The following CADPS2 variants were observed in gnomAD, a reference collection of about 807,000 sequenced individuals.
CADPS2 encodes the protein calcium dependent secretion activator 2, also known as calcium-dependent secretion activator 2.
In CADPS2, 93 loss-of-function variants were observed where a neutral mutation model predicts 172.5. That is an observed-to-expected ratio of 0.54 (90% CI 0.46 to 0.64). The LOEUF (loss-of-function observed/expected upper bound fraction) is 0.64. Ranked by LOEUF, CADPS2 falls within the 30% of genes least tolerant of loss-of-function variation. The probability of loss-of-function intolerance (pLI) is 0.00; values close to 1 mark genes in which losing one functional copy is unlikely to be tolerated. For synonymous variants in CADPS2, 546 were observed against 555.2 expected, an observed-to-expected ratio of 0.98 and a Z score of 0.23; for missense variants, 1,420 against 1,565.9, an observed-to-expected ratio of 0.91 and a Z score of 1.57.
At chr7:122,813,631 T>G (rs933356651) in intron 1 of CADPS2, among the ~76,000 whole-genome samples, 8 of 152,102 alleles carry the variant, frequency 5.3e-5, no homozygotes, top group African/African-American at 1.9e-4. Flanking sequence ...CGCCTGGAAA[T>G]GCATGGAGGC....
intron 8 of CADPS2, among the ~76,000 whole-genome samples, chr7:122,518,282 T>A (rs1292932889): frequency 6.6e-6 from 1 of 152,032 alleles, no homozygotes; most frequent in African/African-American, 2.4e-5. Context: ...TCCCATAGCA[T>A]CTGAGAGTCA....
intron 2 of CADPS2, chr7:122,681,195 G>A: frequency 1.6e-6 from 1 of 623,558 alleles, no homozygotes; most frequent in Non-Finnish European, 2.9e-6. Flanking sequence ...AAGTTAGTGG[G>A]TGCAGTGCAC....
At chr7:122,451,611 T>C in intron 14 of CADPS2, 136 bp from the exon 15 acceptor site, 1 of 470,974 alleles carries the variant, frequency 2.1e-6, no homozygotes, top group South Asian at 4.9e-5. Flanking sequence ...GGAAATTTAC[T>C]GGAAATATTT....
intron 6 of CADPS2, among the ~76,000 whole-genome samples, chr7:122,583,820 CAT>C (rs2069217022): frequency 3.3e-5 from 5 of 150,544 alleles, no homozygotes; most frequent in Admixed American, 3.3e-4. Flanking sequence ...TATACATATG[CAT>C]ATGTATATTC....
At chr7:122,364,629 A>G (rs1213576376) in intron 25 of CADPS2, among the ~76,000 whole-genome samples, 1 of 151,420 alleles carries the variant, frequency 6.6e-6, no homozygotes, top group African/African-American at 2.4e-5. Flanking sequence ...CAGGAGACTG[A>G]GGCAGGAGAA....
At chr7:122,441,378 G>T in intron 16 of CADPS2, 134 bp downstream of exon 16, 1 of 513,634 alleles carries the variant, frequency 1.9e-6, no homozygotes, top group Non-Finnish European at 3.4e-6. Flanking sequence ...AGTAAGAAAA[G>T]GTGAGAAACT....
chr7:122,392,723 G>C (rs956097757), intron 22 of CADPS2, among the ~76,000 whole-genome samples: 28 of 152,140 alleles, frequency 1.8e-4, no homozygotes, highest in African/African-American at 6.3e-4. Context: ...CAATGATGCA[G>C]TACTGTTTTT....
chr7:122,884,429 C>T (rs1222111750), intron 1 of CADPS2, among the ~76,000 whole-genome samples: 1 of 152,076 alleles, frequency 6.6e-6, no homozygotes, highest in Non-Finnish European at 1.5e-5. Context: ...TCAAAACTTA[C>T]CTGAGTAATG....
At position 122,481,856 on chromosome 7, in the gene CADPS2, C is replaced by G. The variant is rs552321989; in HGVS notation, c.1853-996G>C. Among the ~76,000 whole-genome samples the G allele has an allele frequency of 3.7e-3, 561 of 152,070 alleles. 2 individuals are homozygous for G. The highest frequency in any genetic ancestry group is 5.8e-3 in the Non-Finnish European group (397 of 67,990). ...AGAAACTCTGTCTCTACTAAAAATA[C>G]AAAAATTAGGTGGGTGTGGTGGCAC... On this transcript the variant is annotated intron_variant, in intron 11 of 29. Transcript: ENST00000449022.
chr7:122,695,496 T>A (rs2084955062), intron 2 of CADPS2, among the ~76,000 whole-genome samples: 1 of 152,220 alleles, frequency 6.6e-6, no homozygotes, highest in Admixed American at 6.5e-5. Flanking sequence ...AGGGGTTTAT[T>A]GATCTGTTTA....
At chr7:122,844,088 G>A (rs1413450141) in intron 1 of CADPS2, among the ~76,000 whole-genome samples, 4 of 152,216 alleles carry the variant, frequency 2.6e-5, no homozygotes. Flanking sequence ...CAGCCACAGT[G>A]AGTCTGTAGC....
intron 3 of CADPS2, among the ~76,000 whole-genome samples, chr7:122,653,852 T>C (rs559253906): frequency 1.2e-4 from 18 of 152,172 alleles, no homozygotes; most frequent in African/African-American, 3.4e-4. Flanking sequence ...ATAAATGTTA[T>C]GTGTGTTCTG....
At chr7:122,803,989 A>AC (rs1471851309) in intron 1 of CADPS2, among the ~76,000 whole-genome samples, 37 of 149,562 alleles carry the variant, frequency 2.5e-4, no homozygotes, top group Admixed American at 1.4e-3. Context: ...AAAAAAAAAA[A>AC]AAAAAAAAAC....
chr7:122,468,137 C>G (rs2055407379), intron 14 of CADPS2, among the ~76,000 whole-genome samples: 1 of 152,178 alleles, frequency 6.6e-6, no homozygotes, highest in Non-Finnish European at 1.5e-5. Context: ...CAAATCCAGA[C>G]AGCACTGTTG....
chr7:122,770,961 A>G (rs1023956639), intron 1 of CADPS2, among the ~76,000 whole-genome samples: 1 of 152,192 alleles, frequency 6.6e-6, no homozygotes, highest in African/African-American at 2.4e-5. Flanking sequence ...AGGCATTTCC[A>G]CATATACTCA....
chr7:122,816,574 G>A (rs539941767), intron 1 of CADPS2, among the ~76,000 whole-genome samples: 1 of 152,170 alleles, frequency 6.6e-6, no homozygotes, highest in Admixed American at 6.5e-5. Context: ...GGATCATACA[G>A]TAGTTCTATT....
intron 11 of CADPS2, among the ~76,000 whole-genome samples, chr7:122,487,389 G>C (rs1284391482): frequency 6.6e-6 from 1 of 152,008 alleles, no homozygotes; most frequent in Non-Finnish European, 1.5e-5. Flanking sequence ...TATTGCAGTG[G>C]TCTGGAACTG....
chr7:122,435,751 C>T (rs73431544), intron 17 of CADPS2, among the ~76,000 whole-genome samples: 2,569 of 152,106 alleles, frequency 0.017, 38 homozygotes, highest in East Asian at 0.037. Flanking sequence ...TCATTGAAAG[C>T]AACCTAAATG....
intron 2 of CADPS2, among the ~76,000 whole-genome samples, chr7:122,687,423 G>C (rs1266571889): frequency 3.3e-5 from 5 of 152,172 alleles, no homozygotes; most frequent in Non-Finnish European, 5.9e-5. Flanking sequence ...CAAGCTAACT[G>C]CAGGGTAGTG....
Sources: allele counts gnomAD v4.1 joint callset (sites outside exome capture counted in the v4.1 genomes callset), GRCh38; gene constraint gnomAD v4.1.1; transcripts MANE v1.5; gene names NCBI Gene and HGNC (gene_info 2026-07-23, HGNC 2026-07-21).